Variants in AGBL1 observed in about 807,000 individuals in gnomAD.
AGBL1 encodes the protein cytosolic carboxypeptidase 4.
AGBL1 carries 130 observed loss-of-function variants against 118.9 expected under a neutral mutation model. The ratio of observed to expected loss-of-function variants is 1.09; its 90% confidence interval spans 0.95 to 1.26. The LOEUF (loss-of-function observed/expected upper bound fraction) is 1.26. AGBL1 is among the 50% of genes most tolerant of loss of function. The pLI is 0.00. For synonymous variants in AGBL1, 555 were observed against 478.9 expected (o/e 1.16, Z -2.08); for missense variants, 1,584 against 1,298.1 (o/e 1.22, Z -3.38).
chr15:86,514,596 T>C (rs2083095193), intron 18 of AGBL1, among the ~76,000 whole-genome samples: 1 of 152,152 alleles, frequency 6.6e-6, no homozygotes, highest in Non-Finnish European at 1.5e-5. Flanking sequence ...TATTTATTGA[T>C]ATGAATATGT....
chr15:86,105,462 C>T (rs528848152), intron 1 of AGBL1: 28 of 152,334 alleles, frequency 1.8e-4, no homozygotes, highest in African/African-American at 6.5e-4. Flanking sequence ...TTAGTTAGAT[C>T]TGTGTTCTGA....
chr15:86,262,078 C>CTTTTTTTTTTTTTTTTTTTTTTTTTTTT lies in AGBL1; in HGVS notation c.970-684_970-683insTTTTTTTTTTTTTTTTTTTTTTTTTTTT, dbSNP rs61365024. Among the ~76,000 whole-genome samples, 168 of 52,758 alleles carry CTTTTTTTTTTTTTTTTTTTTTTTTTTTT rather than the reference C, an allele frequency of 3.2e-3. 55 individuals carry two copies. The highest frequency in any genetic ancestry group is 7.3e-3 in the East Asian group (7 of 954). The allele number at this position is 52,758 out of a possible 152,430, so 34.6% of individuals were successfully genotyped here. ...CACTGCTAGGCCTATGCATAGCTGG[C>CTTTTTTTTTTTTTTTTTTTTTTTTTTTT]TTTTTTTTTTTTTTTTGCCATTTAG... On this transcript the variant is annotated intron_variant, in intron 9 of 22. Coordinates refer to ENST00000614907, the MANE Select transcript of AGBL1 (RefSeq NM_001386094.1).
At chr15:86,137,769 C>T (rs2076908699) in intron 1 of AGBL1, among the ~76,000 whole-genome samples, 1 of 151,976 alleles carries the variant, frequency 6.6e-6, no homozygotes, top group Non-Finnish European at 1.5e-5. Context: ...GGAGAGAGAC[C>T]CACATCCTCC....
intron 1 of AGBL1, among the ~76,000 whole-genome samples, chr15:86,086,737 T>C (rs999166320): frequency 6.6e-6 from 1 of 152,208 alleles, no homozygotes; most frequent in Non-Finnish European, 1.5e-5. Context: ...ATAAGTTGCT[T>C]AAATTTGTGC....
chr15:86,800,412 C>T lies in AGBL1; in HGVS notation c.3159-106675C>T, dbSNP rs2167660. ...CTTGCAAATAGTACATCTTAGAAGA[C>T]AAGTGAGAAAAAAGGCCCAGAATTT... On this transcript the variant is annotated intron_variant, in intron 22 of 22. Coordinates refer to ENST00000614907, the MANE Select transcript of AGBL1 (RefSeq NM_001386094.1). Among the ~76,000 whole-genome samples, 391 of 152,054 alleles carry T rather than the reference C, an allele frequency of 2.6e-3. 4 individuals are homozygous for T. The highest frequency in any genetic ancestry group is 9.1e-3 in the African/African-American group (378 of 41,496).
chr15:86,963,782 T>C (rs528398621), intron 23 of AGBL1, among the ~76,000 whole-genome samples: 1 of 152,068 alleles, frequency 6.6e-6, no homozygotes, highest in African/African-American at 2.4e-5. Flanking sequence ...ATGATTTTTC[T>C]GAACAATGGT....
chr15:86,540,357 G>A (rs7175460), intron 19 of AGBL1, among the ~76,000 whole-genome samples: 82,826 of 151,940 alleles, frequency 0.55, 23,048 homozygotes, highest in East Asian at 0.81. Context: ...ACTTTGGGAG[G>A]ACAAGGCAGG....
intron 7 of AGBL1, among the ~76,000 whole-genome samples, chr15:86,255,232 C>T (rs2078875719): frequency 6.6e-6 from 1 of 152,130 alleles, no homozygotes; most frequent in African/African-American, 2.4e-5. Context: ...CCTTGAGACT[C>T]TGTTTTATTT....
intron 21 of AGBL1, among the ~76,000 whole-genome samples, chr15:86,658,121 T>C (rs2085489414): frequency 6.6e-6 from 1 of 152,102 alleles, no homozygotes; most frequent in South Asian, 2.1e-4. Flanking sequence ...TGAAAGAACA[T>C]GATCAGCACA....
intron 21 of AGBL1, among the ~76,000 whole-genome samples, chr15:86,620,400 C>T (rs1386642384): frequency 6.6e-6 from 1 of 152,170 alleles, no homozygotes; most frequent in Non-Finnish European, 1.5e-5. Flanking sequence ...CAGGAGGTTG[C>T]GCTGAGACTT....
At chr15:86,997,890 GACACACACACACAC>G (rs3030280) in intron 24 of AGBL1, among the ~76,000 whole-genome samples, 348 of 145,934 alleles carry the variant, frequency 2.4e-3, no homozygotes, top group African/African-American at 5.8e-3. Flanking sequence ...ACATGTGGAA[GACACACACACACAC>G]ACACACACAC....
chr15:86,113,347 G>A (rs1897552719), intron 1 of AGBL1, among the ~76,000 whole-genome samples: 1 of 145,684 alleles, frequency 6.9e-6, no homozygotes, highest in Non-Finnish European at 1.5e-5. Flanking sequence ...GAGTGCAGTG[G>A]CACGATCTTG....
chr15:86,170,797 G>T (rs2077403185), intron 5 of AGBL1, among the ~76,000 whole-genome samples: 1 of 150,630 alleles, frequency 6.6e-6, no homozygotes, highest in Non-Finnish European at 1.5e-5. Flanking sequence ...AGTGAGCCGA[G>T]ATCACACCAC....
At chr15:86,222,563 G>C (rs1435441076) in intron 5 of AGBL1, among the ~76,000 whole-genome samples, 1 of 152,108 alleles carries the variant, frequency 6.6e-6, no homozygotes, top group African/African-American at 2.4e-5. Flanking sequence ...ATTACCTACA[G>C]AGTTGAATGT....
intron 21 of AGBL1, among the ~76,000 whole-genome samples, chr15:86,607,677 C>T (rs1249250594): frequency 6.6e-6 from 1 of 152,144 alleles, no homozygotes; most frequent in Non-Finnish European, 1.5e-5. Flanking sequence ...TGTTGAACAT[C>T]TTTTTGTAAG....
At chr15:86,341,307 G>A (rs1567207750) in intron 17 of AGBL1, among the ~76,000 whole-genome samples, 2 of 152,240 alleles carry the variant, frequency 1.3e-5, no homozygotes, top group African/African-American at 2.4e-5. Context: ...TTTTATGGGG[G>A]TCTTTTTGTT....
Position 86,615,250 on chromosome 15 carries a change from G to A in AGBL1, c.2995-59023G>A, listed in dbSNP as rs1274386837. On this transcript the variant is annotated intron_variant, in intron 21 of 22. Coordinates refer to ENST00000614907, the MANE Select transcript of AGBL1 (RefSeq NM_001386094.1). The surrounding 1 kb of genome is among the most constrained non-coding windows in gnomAD (Gnocchi z 4.3). ...CATTGGAAGTAGAGTAGAGGGCCAG[G>A]GAGACTAAAAACAGACTATTGACTA... Among the ~76,000 whole-genome samples the A allele has an allele frequency of 1.3e-5, 2 of 152,092 alleles. No homozygotes were observed. The highest frequency in any genetic ancestry group is 2.4e-5 in the African/African-American group (1 of 41,396).
chr15:86,158,183 G>A (rs1320560035), intron 4 of AGBL1, among the ~76,000 whole-genome samples: 1 of 152,138 alleles, frequency 6.6e-6, no homozygotes, highest in Non-Finnish European at 1.5e-5. Flanking sequence ...CCAGGAACAT[G>A]CACTCTGCAA....
intron 18 of AGBL1, among the ~76,000 whole-genome samples, chr15:86,429,556 A>G (rs539603564): frequency 6.6e-6 from 1 of 152,356 alleles, no homozygotes; most frequent in African/African-American, 2.4e-5. Flanking sequence ...CAAGTGTTGC[A>G]CAAATGCCTC....
Sources: allele counts gnomAD v4.1 joint callset (sites outside exome capture counted in the v4.1 genomes callset), GRCh38; gene constraint gnomAD v4.1.1; non-coding constraint Gnocchi (gnomAD v3.1); transcripts MANE v1.5; gene names NCBI Gene and HGNC (gene_info 2026-07-23, HGNC 2026-07-21).